Variants in HMCN1 observed in about 807,000 individuals in gnomAD.
The protein encoded by HMCN1 is hemicentin-1.
A neutral mutation model predicts 625.9 loss-of-function variants in HMCN1; 321 were observed. That is an observed-to-expected ratio of 0.51 (90% CI 0.47 to 0.56). HMCN1 has a LOEUF of 0.56. Among genes scored for constraint, HMCN1 ranks in the 20% least tolerant of loss-of-function variants. The pLI is 0.00. For missense variants in HMCN1, 6,588 were observed against 6,887.3 expected (o/e 0.96, Z 1.54); for synonymous variants, 2,425 against 2,417.6 (o/e 1.00, Z -0.09).
Position 186,063,831 on chromosome 1 carries a change from C to G in HMCN1, c.7513+1231C>G, listed in dbSNP as rs565032252. The stretch of plus-strand genomic sequence containing the variant: ...TCTAAAACCAGTTTCACCATCTTTA[C>G]CAGTAAATTGATTTCTTGCATATAA... On this transcript the variant is annotated intron_variant, in intron 48 of 106. Transcript: ENST00000271588. Among the ~76,000 whole-genome samples the G allele has an allele frequency of 9.9e-5, 15 of 152,224 alleles. No homozygotes were observed. In the South Asian group the frequency reaches 3.1e-3, roughly 32 times the overall value.
intron 4 of HMCN1, among the ~76,000 whole-genome samples, chr1:185,871,724 G>T (rs1175123153): frequency 6.6e-6 from 1 of 151,846 alleles, no homozygotes; most frequent in Non-Finnish European, 1.5e-5. Context: ...TCTCTTGCTA[G>T]TTTTTTCCCT....
chr1:186,134,872 G>C (rs964651911), intron 86 of HMCN1, among the ~76,000 whole-genome samples: 1 of 152,002 alleles, frequency 6.6e-6, no homozygotes, highest in South Asian at 2.1e-4. Flanking sequence ...ATGCTGCCCC[G>C]TTTGCTTTCT....
intron 86 of HMCN1, among the ~76,000 whole-genome samples, chr1:186,132,979 T>TA (rs1662026270): frequency 6.6e-6 from 1 of 152,204 alleles, no homozygotes; most frequent in Non-Finnish European, 1.5e-5. Flanking sequence ...ACTCATCGTT[T>TA]TTTATAGCTG....
intron 66 of HMCN1, 141 bp downstream of exon 66, chr1:186,093,810 G>C (rs1240966352): frequency 9.1e-7 from 1 of 1,097,976 alleles, no homozygotes; most frequent in African/African-American, 1.6e-5. Flanking sequence ...TTTTAGTAGA[G>C]GAAGGACAAC....
chr1:186,187,925 A>G lies in HMCN1; in HGVS notation c.16457A>G (p.Asn5486Ser), dbSNP rs765022612. The G allele has an allele frequency of 9.9e-6, 16 of 1,613,642 alleles. 1 individual carries two copies. The South Asian group carries it at 1.6e-4, about 17-fold the overall frequency. ...CLEQNVHCGP[N>S]RMCFNMRGSY... ...GAGCAGAATGTGCACTGTGGACCCA[A>G]TCGCATGTGCTTCAACATGAGAGGA... Residue 5486 changes from asparagine to serine, a missense_variant, in exon 106 of 107, where the codon AAT becomes AGT. By Grantham distance (46) the Asn-to-Ser change is conservative. Transcript: ENST00000271588.
chr1:186,057,580 G>C (rs987582968), intron 46 of HMCN1, among the ~76,000 whole-genome samples, 179 bp downstream of exon 46: 3 of 151,936 alleles, frequency 2.0e-5, no homozygotes, highest in African/African-American at 4.8e-5. Flanking sequence ...ATATGAAAAT[G>C]AGAAATCTCC....
chr1:186,089,938 A>G (rs1024847543), intron 63 of HMCN1, among the ~76,000 whole-genome samples: 1 of 151,960 alleles, frequency 6.6e-6, no homozygotes, highest in Non-Finnish European at 1.5e-5. Flanking sequence ...CAAAAAGACC[A>G]TGATTCGTAG....
chr1:185,916,079 T>C (rs1666685466), intron 6 of HMCN1, among the ~76,000 whole-genome samples: 1 of 151,994 alleles, frequency 6.6e-6, no homozygotes, highest in African/African-American at 2.4e-5. Context: ...TGTGTGTGTG[T>C]GTGTGTGTAT....
At chr1:185,985,783 C>A (rs1441210699) in intron 19 of HMCN1, among the ~76,000 whole-genome samples, 1 of 152,186 alleles carries the variant, frequency 6.6e-6, no homozygotes, top group African/African-American at 2.4e-5. Context: ...GCTGTTCCTT[C>A]ATCATTCTGT....
rs36021341 is a variant in HMCN1 at position 185,748,034 on chromosome 1, A to ATT, written c.268+13012_268+13013dup. On this transcript the variant is annotated intron_variant, in intron 1 of 106. Coordinates refer to ENST00000271588, the MANE Select transcript of HMCN1 (RefSeq NM_031935.3). ...ATAAATACAAGAAAGGGTACTTAAA[A>ATT]TTTTTTTTTTTTTTTTTTTTTTTTT... Among the ~76,000 whole-genome samples the ATT allele has an allele frequency of 1.7e-3, 200 of 118,142 alleles. 1 individual carries two copies. Among genetic ancestry groups the ATT allele is most frequent in the African/African-American group, 4.5e-3 (136 of 30,198 alleles). The allele number at this position is 118,142 out of a possible 152,430, so 77.5% of individuals were successfully genotyped here.
intron 1 of HMCN1, among the ~76,000 whole-genome samples, chr1:185,772,634 T>C (rs879812262): frequency 2.0e-5 from 3 of 152,186 alleles, no homozygotes; most frequent in Non-Finnish European, 4.4e-5. Flanking sequence ...GACATCGTAG[T>C]GGTAACTACT....
chr1:185,885,675 A>G (rs7544887), intron 4 of HMCN1, among the ~76,000 whole-genome samples: 1 of 151,942 alleles, frequency 6.6e-6, no homozygotes, highest in Non-Finnish European at 1.5e-5. Flanking sequence ...ACATCACTGT[A>G]TGTCTATAAC....
intron 13 of HMCN1, among the ~76,000 whole-genome samples, chr1:185,964,829 AAG>A (rs1285971447): frequency 3.3e-5 from 5 of 152,098 alleles, no homozygotes; most frequent in African/African-American, 4.8e-5. Context: ...GCATTTTAGA[AAG>A]AGGAAATAGC....
At chr1:186,116,879 C>G in intron 75 of HMCN1, 115 bp from the exon 76 acceptor site, 1 of 1,200,048 alleles carries the variant, frequency 8.3e-7, no homozygotes, top group Non-Finnish European at 1.2e-6. Context: ...TTAATTTTAA[C>G]ATGAGGGAAG....
intron 77 of HMCN1, among the ~76,000 whole-genome samples, chr1:186,118,138 G>C (rs1000646515): frequency 3.3e-5 from 5 of 152,026 alleles, no homozygotes; most frequent in Non-Finnish European, 7.4e-5. Context: ...TATAGTGGTA[G>C]TAACCCTCAT....
chr1:185,984,195 G>C lies in HMCN1; in HGVS notation c.2817G>C (p.Val939=). ...TGCTCCAAAATCCTTACATCACTGT[G>C]CGCAGTGATGGGAGCCTCCATATTG... The part of the protein sequence containing the change: ...AMLLQNPYIT[V]RSDGSLHIER... The change falls in exon 19 of 107, where the codon GTG becomes GTC. Residue 939 remains valine, a synonymous_variant. Transcript: ENST00000271588. The C allele has an allele frequency of 6.2e-7, 1 of 1,613,022 alleles. No homozygotes were observed. The highest frequency in any genetic ancestry group is 8.5e-7 in the Non-Finnish European group (1 of 1,179,444).
Position 186,056,778 on chromosome 1 carries a change from A to C in HMCN1, c.7145-456A>C, listed in dbSNP as rs1657347494. ...GAGAAAAGGAGGCAGGAGTTCAAAAACTAACTCTTGGGTTCTATGCTTACC... is the reference window on the plus strand; with the variant it reads ...GAGAAAAGGAGGCAGGAGTTCAAAACCTAACTCTTGGGTTCTATGCTTACC... On this transcript the variant is annotated intron_variant, in intron 45 of 106. Transcript: ENST00000271588. Among the ~76,000 whole-genome samples the C allele has an allele frequency of 2.0e-5, 3 of 151,936 alleles. No homozygotes were observed. In the South Asian group the frequency reaches 6.2e-4, roughly 32 times the overall value.
chr1:185,920,148 T>A (rs1571559744), intron 6 of HMCN1, among the ~76,000 whole-genome samples: 1 of 152,222 alleles, frequency 6.6e-6, no homozygotes, highest in African/African-American at 2.4e-5. Flanking sequence ...AGAGAACAAT[T>A]AAATAATGAT....
At chr1:186,035,186 A>G (rs1040727959) in intron 36 of HMCN1, among the ~76,000 whole-genome samples, 2 of 152,218 alleles carry the variant, frequency 1.3e-5, no homozygotes, top group Admixed American at 6.6e-5. Flanking sequence ...ATCAGAATTC[A>G]GTGCAGAAAA....
Sources: allele counts gnomAD v4.1 joint callset (sites outside exome capture counted in the v4.1 genomes callset), GRCh38; gene constraint gnomAD v4.1.1; transcripts MANE v1.5; gene names NCBI Gene and HGNC (gene_info 2026-07-23, HGNC 2026-07-21).